Variants in GARIN2 observed in about 807,000 individuals in gnomAD.
GARIN2 encodes golgi associated RAB2 interactor family member 2.
At chr14:67,204,568 G>C in the GARIN2 span, 1 of 1,613,530 alleles carries the variant, frequency 6.2e-7, no homozygotes. Context: ...GACTCTTTCT[G>C]TGCATGATGC....
the GARIN2 span, among the ~76,000 whole-genome samples, chr14:67,190,416 G>A: frequency 1.3e-5 from 2 of 150,190 alleles, no homozygotes; most frequent in African/African-American, 2.5e-5. Context: ...TAGAGACAGG[G>A]TTTCGCCATT....
chr14:67,200,590 G>A, the GARIN2 span: 23 of 220,348 alleles, frequency 1.0e-4, no homozygotes, highest in Admixed American at 3.7e-4. Context: ...CCATTAACAC[G>A]TTCTCTGCAC....
chr14:67,203,425 A>G, the GARIN2 span: 1 of 697,520 alleles, frequency 1.4e-6, no homozygotes, highest in Non-Finnish European at 2.3e-6. Context: ...GCAAATGACA[A>G]AGAGGAGCAT....
the GARIN2 span, among the ~76,000 whole-genome samples, chr14:67,195,086 C>A: frequency 6.6e-6 from 1 of 152,168 alleles, no homozygotes; most frequent in Admixed American, 6.5e-5. Context: ...ACAGTTACAA[C>A]AAAACCAGGC....
At chr14:67,215,480 T>C in the GARIN2 span, among the ~76,000 whole-genome samples, 2 of 150,854 alleles carry the variant, frequency 1.3e-5, no homozygotes, top group Admixed American at 1.3e-4. Context: ...CTTGTAAGTC[T>C]GATGTGTTAG....
chr14:67,214,913 A>C, the GARIN2 span, among the ~76,000 whole-genome samples: 2 of 152,008 alleles, frequency 1.3e-5, no homozygotes, highest in Non-Finnish European at 2.9e-5. Flanking sequence ...TAGGTATTTT[A>C]TTCCCTTTGA....
At chr14:67,194,281 T>A in the GARIN2 span, among the ~76,000 whole-genome samples, 3 of 151,578 alleles carry the variant, frequency 2.0e-5, no homozygotes, top group African/African-American at 4.8e-5. Flanking sequence ...GGAGGATCAC[T>A]TGAGCCCAGG....
At chr14:67,211,067 ATC>A in the GARIN2 span, among the ~76,000 whole-genome samples, 1 of 152,288 alleles carries the variant, frequency 6.6e-6, no homozygotes, top group East Asian at 1.9e-4. Flanking sequence ...TGGCTTCTCT[ATC>A]TCATTAGCTC....
At chr14:67,219,357 C>T in the GARIN2 span, among the ~76,000 whole-genome samples, 1 of 152,206 alleles carries the variant, frequency 6.6e-6, no homozygotes, top group Non-Finnish European at 1.5e-5. Flanking sequence ...CCACACTACC[C>T]TCCTGGACTT....
At chr14:67,225,059 A>G in the GARIN2 span, 5 of 1,379,674 alleles carry the variant, frequency 3.6e-6, no homozygotes, top group Non-Finnish European at 4.8e-6. Context: ...TTTCTTTCTC[A>G]CTTCCTCTCT....
chr14:67,201,268 T>C, the GARIN2 span, among the ~76,000 whole-genome samples: 1 of 152,192 alleles, frequency 6.6e-6, no homozygotes. Context: ...CACTCCAGCC[T>C]GGATGATAAG....
the GARIN2 span, chr14:67,225,375 T>A: frequency 3.1e-6 from 2 of 640,800 alleles, no homozygotes; most frequent in Non-Finnish European, 2.4e-6. Flanking sequence ...TATTCTACTG[T>A]AGTAACAATA....
At chr14:67,218,797 G>T in the GARIN2 span, among the ~76,000 whole-genome samples, 5 of 152,000 alleles carry the variant, frequency 3.3e-5, no homozygotes, top group Non-Finnish European at 7.4e-5. Context: ...ATTTGAGGGT[G>T]TGTATGCAGC....
chr14:67,191,434 A>G, the GARIN2 span, among the ~76,000 whole-genome samples: 3 of 152,230 alleles, frequency 2.0e-5, no homozygotes. Flanking sequence ...GCATGTACAG[A>G]CATCCCTCTG....
chr14:67,198,332 T>A, the GARIN2 span: 1 of 1,606,866 alleles, frequency 6.2e-7, no homozygotes, highest in Non-Finnish European at 8.5e-7. Flanking sequence ...TAAATCATAT[T>A]CAAGGCCTGA....
At chr14:67,226,024 G>A in the GARIN2 span, among the ~76,000 whole-genome samples, 1 of 151,890 alleles carries the variant, frequency 6.6e-6, no homozygotes, top group South Asian at 2.1e-4. Flanking sequence ...AGTATTGAAG[G>A]GGGGAGGTTG....
At chr14:67,211,144 T>C in the GARIN2 span, among the ~76,000 whole-genome samples, 1 of 152,236 alleles carries the variant, frequency 6.6e-6, no homozygotes, top group East Asian at 1.9e-4. Context: ...ATGGGGATAC[T>C]ATCTACCATG....
the GARIN2 span, chr14:67,198,262 A>G: frequency 6.2e-7 from 1 of 1,613,936 alleles, no homozygotes. Flanking sequence ...AATATGTTGG[A>G]TGGAGGAGAG....
At chr14:67,200,396 G>A in the GARIN2 span, 1 of 581,516 alleles carries the variant, frequency 1.7e-6, no homozygotes, top group Non-Finnish European at 3.0e-6. Context: ...AATCAGAGAT[G>A]CTGTAGCTCC....
Sources: gnomAD v4.1 joint callset for allele counts (sites outside exome capture counted in the v4.1 genomes callset) on GRCh38, gnomAD v4.1.1 for gene constraint, MANE v1.5 for transcripts, NCBI Gene and HGNC (gene_info 2026-07-23, HGNC 2026-07-21) for gene names.